Variants in PDX1 observed in about 807,000 individuals in gnomAD.
The protein encoded by PDX1 is pancreas/duodenum homeobox protein 1.
PDX1 carries 7 observed loss-of-function variants against 11.1 expected under a neutral mutation model. That is an observed-to-expected ratio of 0.63 (90% CI 0.36 to 1.19). The LOEUF (loss-of-function observed/expected upper bound fraction) is 1.19. PDX1 is among the 50% of genes most tolerant of loss of function. PDX1 has a pLI of 0.02. For synonymous variants in PDX1, 232 were observed against 196.2 expected (o/e 1.18, Z -1.53); for missense variants, 449 against 412.1 (o/e 1.09, Z -0.78).
In PDX1 at chr13:27,920,107, C is replaced by T; in HGVS notation, c.-32C>T. On this transcript the variant is annotated 5_prime_UTR_variant, in exon 1 of 2. Coordinates refer to ENST00000381033, the MANE Select transcript of PDX1 (RefSeq NM_000209.4). The stretch of plus-strand genomic sequence containing the variant: ...CTCCCGACTCCCGGCTCCCGGCTCC[C>T]GGCTCCCGGTGCCCAATCCCGGGCC... 6.5e-7 allele frequency: 1 copy of T among 1,548,916 alleles called. No individual in the cohort carries two copies. The highest frequency in any genetic ancestry group is 8.7e-7 in the Non-Finnish European group (1 of 1,146,446).
intron 1 of PDX1, among the ~76,000 whole-genome samples, chr13:27,921,241 A>C (rs1440449467): frequency 6.6e-6 from 1 of 152,220 alleles, no homozygotes; most frequent in Non-Finnish European, 1.5e-5. Flanking sequence ...TTCGTTTTTC[A>C]CCAACCGAAA....
Position 27,924,258 on chromosome 13 carries a change from G to A in PDX1, c.409G>A (p.Gly137Ser), listed in dbSNP as rs781025559. The A allele has an allele frequency of 1.1e-5, 18 of 1,596,810 alleles. No homozygotes were observed. In the African/African-American group the frequency reaches 1.2e-4, roughly 11 times the overall value. ...AHAWKGQWAG[G>S]AYAAEPEENK... ...CTCACGCCCTGTGTCGCCCGCAGGC[G>A]GCGCCTACGCTGCGGAGCCGGAGGA... The change falls in exon 2 of 2, where the codon GGC (glycine) becomes AGC (serine). Residue 137 changes from glycine to serine, a missense_variant and splice_region_variant. Physicochemically the swap from Gly to Ser is moderately conservative, Grantham distance 56. Around this residue, in one of 3 missense-constraint regions of PDX1, gnomAD observed 263 missense variants for 212.5 expected, o/e 1.24. Coordinates refer to ENST00000381033, the MANE Select transcript of PDX1 (RefSeq NM_000209.4). The surrounding 1 kb of genome is among the most constrained non-coding windows in gnomAD (Gnocchi z 4.8).
intron 1 of PDX1, among the ~76,000 whole-genome samples, chr13:27,922,714 G>C (rs1957796674): frequency 6.6e-6 from 1 of 152,154 alleles, no homozygotes; most frequent in African/African-American, 2.4e-5. Flanking sequence ...TGCACCCCAG[G>C]AAGTCTCTCC....
rs1234749777 is a variant in PDX1 at position 27,920,346 on chromosome 13, G to A, written c.208G>A (p.Val70Met). The change falls in exon 1 of 2, where the codon GTG becomes ATG. Residue 70 changes from valine to methionine, a missense_variant. By Grantham distance (21) the Val-to-Met change is conservative. Around this residue, in one of 3 missense-constraint regions of PDX1, gnomAD observed 263 missense variants for 212.5 expected, o/e 1.24. Transcript: ENST00000381033. ...GSPPDISPYE[V>M]PPLADDPAVA... ...CCCCCCGGACATCTCCCCGTACGAG[G>A]TGCCCCCCCTCGCCGACGACCCCGC... 15 of 1,541,638 alleles carry A rather than the reference G, an allele frequency of 9.7e-6. No homozygotes were observed. The highest frequency in any genetic ancestry group is 1.3e-5 in the Non-Finnish European group (15 of 1,141,444).
At position 27,920,257 on chromosome 13, in the gene PDX1, G is replaced by A. The variant is rs1055206497; in HGVS notation, c.119G>A (p.Arg40His). The change falls in exon 1 of 2, where the codon CGC becomes CAC. Residue 40 changes from arginine to histidine, a missense_variant. By Grantham distance (29) the Arg-to-His change is conservative (BLOSUM62 0). Coordinates refer to ENST00000381033, the MANE Select transcript of PDX1 (RefSeq NM_000209.4). ...CCCCCTGCGTGCCTGTACATGGGCC[G>A]CCAGCCCCCGCCGCCGCCGCCGCAC... is the stretch of plus-strand genomic sequence containing the variant. The part of the protein sequence containing the change: ...ASPPACLYMG[R>H]QPPPPPPHPF... 3.2e-6 allele frequency: 5 copies of A among 1,542,324 alleles called. No homozygotes were observed. The highest frequency in any genetic ancestry group is 5.0e-5 in the East Asian group (2 of 40,226).
At position 27,924,935 on chromosome 13, in the gene PDX1, T is replaced by C. The variant is rs1957814650; in HGVS notation, c.*234T>C. On this transcript the variant is annotated 3_prime_UTR_variant, in exon 2 of 2. Coordinates refer to ENST00000381033, the MANE Select transcript of PDX1 (RefSeq NM_000209.4). This position sits in a 1 kb window ranked among gnomAD's most constrained non-coding sequence, Gnocchi z 4.8. ...GAAGAAAAAGAGCCATTGGTTTTTG[T>C]AGTATTGGGGCCCTCTTTTAGTGAT... The C allele has an allele frequency of 2.3e-6, 1 of 439,574 alleles. No individual in the cohort carries two copies. The highest frequency in any genetic ancestry group is 5.9e-5 in the South Asian group (1 of 16,970). 27.2% of individuals were successfully genotyped at this position (439,574 alleles called of 1,614,324 possible).
At position 27,924,836 on chromosome 13, in the gene PDX1, C is replaced by A; in HGVS notation, c.*135C>A. The A allele has an allele frequency of 1.4e-6, 1 of 728,608 alleles. No homozygotes were observed. The highest frequency in any genetic ancestry group is 1.9e-6 in the Non-Finnish European group (1 of 518,296). 45.1% of individuals were successfully genotyped at this position (728,608 alleles called of 1,614,324 possible). ...GGCAATTGCGGGGCCCACCTTAGAC[C>A]GAAGGGGAAAACCCGCTCTCTCAGG... On this transcript the variant is annotated 3_prime_UTR_variant, in exon 2 of 2. Transcript: ENST00000381033. The surrounding 1 kb of genome is among the most constrained non-coding windows in gnomAD (Gnocchi z 4.8).
In PDX1 at chr13:27,924,301, C is replaced by A. The variant is rs565726855; in HGVS notation, c.452C>A (p.Thr151Lys). 5.6e-6 allele frequency: 9 copies of A among 1,610,418 alleles called. No individual in the cohort carries two copies. Among genetic ancestry groups the A allele is most frequent in the Non-Finnish European group, 7.6e-6 (9 of 1,178,722 alleles). Residue 151 changes from threonine to lysine, a missense_variant, in exon 2 of 2, where the codon ACG becomes AAG. Around this residue, in one of 3 missense-constraint regions of PDX1, gnomAD observed 47 missense variants for 78.2 expected, o/e 0.60. Transcript: ENST00000381033. The surrounding 1 kb of genome is among the most constrained non-coding windows in gnomAD (Gnocchi z 4.8). ...CCGGAGGAGAACAAGCGGACGCGCA[C>A]GGCCTACACGCGCGCACAGCTGCTA... ...AEPEENKRTR[T>K]AYTRAQLLEL...
In PDX1 at chr13:27,924,022, C is replaced by T. The variant is rs1330076593; in HGVS notation, c.407-234C>T. Among the ~76,000 whole-genome samples, 3 of 152,242 alleles carry T rather than the reference C, an allele frequency of 2.0e-5. No homozygotes were observed. The highest frequency in any genetic ancestry group is 2.9e-5 in the Non-Finnish European group (2 of 68,048). On this transcript the variant is annotated intron_variant, in intron 1 of 1. Coordinates refer to ENST00000381033, the MANE Select transcript of PDX1 (RefSeq NM_000209.4). This position sits in a 1 kb window ranked among gnomAD's most constrained non-coding sequence, Gnocchi z 4.8. ...AGCTTAGGCTCACGGCGAGAGCTGA[C>T]TCGAGTTTGGTCTCCAATAAAAAGG...
At chr13:27,921,362 G>T (rs1957785538) in intron 1 of PDX1, among the ~76,000 whole-genome samples, 1 of 152,230 alleles carries the variant, frequency 6.6e-6, no homozygotes, top group Admixed American at 6.5e-5. Flanking sequence ...GCGGCCCTCC[G>T]CGCCGGCAGA....
In PDX1 at chr13:27,924,810, C is replaced by A; in HGVS notation, c.*109C>A. 1.1e-6 allele frequency: 1 copy of A among 895,832 alleles called. No individual in the cohort carries two copies. Among genetic ancestry groups the A allele is most frequent in the Non-Finnish European group, 1.5e-6 (1 of 664,112 alleles). 55.5% of individuals were successfully genotyped at this position (895,832 alleles called of 1,614,324 possible). The stretch of plus-strand genomic sequence containing the variant: ...CACCCGCCCTGGCAGTTGAATGGGG[C>A]GGCAATTGCGGGGCCCACCTTAGAC... On this transcript the variant is annotated 3_prime_UTR_variant, in exon 2 of 2. Transcript: ENST00000381033. The surrounding 1 kb of genome is among the most constrained non-coding windows in gnomAD (Gnocchi z 4.8).
At position 27,924,769 on chromosome 13, in the gene PDX1, G is replaced by T. The variant is rs374397203; in HGVS notation, c.*68G>T. 1.2e-5 allele frequency: 16 copies of T among 1,287,748 alleles called. No homozygotes were observed. Among genetic ancestry groups the T allele is most frequent in the African/African-American group, 1.6e-5 (1 of 64,418 alleles). 79.8% of individuals were successfully genotyped at this position (1,287,748 alleles called of 1,614,324 possible). On this transcript the variant is annotated 3_prime_UTR_variant, in exon 2 of 2. Coordinates refer to ENST00000381033, the MANE Select transcript of PDX1 (RefSeq NM_000209.4). The surrounding 1 kb of genome is among the most constrained non-coding windows in gnomAD (Gnocchi z 4.8). Reference sequence around the variant, plus strand: ...CGAGGAGGAGCAGAGGGCCTAGGAGGACCCCGGGCGTGGACCACCCGCCCT... The same window carrying T: ...CGAGGAGGAGCAGAGGGCCTAGGAGTACCCCGGGCGTGGACCACCCGCCCT...
rs535963800 is a variant in PDX1, at chr13:27,923,185, C to T, written c.407-1071C>T. Among the ~76,000 whole-genome samples the T allele has an allele frequency of 2.1e-4, 32 of 152,358 alleles. 1 individual carries two copies. The East Asian group carries it at 5.8e-3, about 28-fold the overall frequency. On this transcript the variant is annotated intron_variant, in intron 1 of 1. Coordinates refer to ENST00000381033, the MANE Select transcript of PDX1 (RefSeq NM_000209.4). ...CAGCCTGGGTGCAGTCAGTATTTTC[C>T]ACAGAAAAGAAAAGATTGGGACCTG... is the stretch of plus-strand genomic sequence containing the variant.
At position 27,920,530 on chromosome 13, in the gene PDX1, A is replaced by G; in HGVS notation, c.392A>G (p.Lys131Arg). Residue 131 changes from lysine (K) to arginine (R), a missense_variant, in exon 1 of 2, where the codon AAA (lysine) becomes AGA (arginine). By Grantham distance (26) the Lys-to-Arg change is conservative (BLOSUM62 2). This residue lies in a region of PDX1 where 263 missense variants were observed against 212.5 expected (regional missense o/e 1.24). Transcript: ENST00000381033. Reference protein sequence around the residue: ...WMKSTKAHAWKGQWAGGAYAA... With the variant: ...WMKSTKAHAWRGQWAGGAYAA... ...AAGTCTACCAAAGCTCACGCGTGGA[A>G]AGGCCAGTGGGCAGGTAAGCCTGGC... 6.2e-7 allele frequency: 1 copy of G among 1,613,038 alleles called. No homozygotes were observed. The highest frequency in any genetic ancestry group is 8.5e-7 in the Non-Finnish European group (1 of 1,180,012).
rs777512281 is a variant in PDX1 at position 27,924,581 on chromosome 13, C to G, written c.732C>G (p.Pro244=). The stretch of plus-strand genomic sequence containing the variant: ...TGGCGCTGCCGCCGCCGCCGCCCCC[C>G]GGAGGTGCTGTGCCGCCCGCTGCCC... ...ELLALPPPPP[P]GGAVPPAAPV... The change falls in exon 2 of 2, where the codon CCC becomes CCG. Residue 244 remains proline, a synonymous_variant. Transcript: ENST00000381033. This position sits in a 1 kb window ranked among gnomAD's most constrained non-coding sequence, Gnocchi z 4.8. The G allele has an allele frequency of 3.4e-4, 511 of 1,503,956 alleles. No homozygotes were observed. The highest frequency in any genetic ancestry group is 4.3e-4 in the Non-Finnish European group (490 of 1,131,190). The allele number at this position is 1,503,956 out of a possible 1,614,324, so 93.2% of individuals were successfully genotyped here.
In PDX1 at chr13:27,924,562, TGCC is replaced by T. The variant is rs193922357; in HGVS notation, c.726_728del (p.Pro244del). 2.0e-5 allele frequency: 31 copies of T among 1,533,504 alleles called. No individual in the cohort carries two copies. The highest frequency in any genetic ancestry group is 2.8e-5 in the African/African-American group (2 of 70,710). The allele number at this position is 1,533,504 out of a possible 1,614,324, so 95.0% of individuals were successfully genotyped here. A position where few individuals can be genotyped will look rare whatever the true frequency, so the allele number is the denominator to read the frequency against. ...ACCTCCGGCGAGGAGCTTCTGGCGC[TGCC>T]GCCGCCGCCGCCCCCCGGAGGTGCT... On this transcript the variant is annotated inframe_deletion, in exon 2 of 2. Coordinates refer to ENST00000381033, the MANE Select transcript of PDX1 (RefSeq NM_000209.4). This position sits in a 1 kb window ranked among gnomAD's most constrained non-coding sequence, Gnocchi z 4.8.
Position 27,920,512 on chromosome 13 carries a change from C to T in PDX1, c.374C>T (p.Thr125Ile). ...CTGCCTTTCCCATGGATGAAGTCTA[C>T]CAAAGCTCACGCGTGGAAAGGCCAG... is the stretch of plus-strand genomic sequence containing the variant. ...VQLPFPWMKS[T>I]KAHAWKGQWA... The change falls in exon 1 of 2, where the codon ACC (threonine) becomes ATC (isoleucine). Residue 125 changes from threonine to isoleucine, a missense_variant. This residue lies in a region of PDX1 where 263 missense variants were observed against 212.5 expected (regional missense o/e 1.24). Coordinates refer to ENST00000381033, the MANE Select transcript of PDX1 (RefSeq NM_000209.4). 3 of 1,612,978 alleles carry T rather than the reference C, an allele frequency of 1.9e-6. No individual in the cohort carries two copies. The highest frequency in any genetic ancestry group is 2.5e-6 in the Non-Finnish European group (3 of 1,180,000).
At chr13:27,920,684 G>C in intron 1 of PDX1, 140 bp downstream of exon 1, 1 of 851,354 alleles carries the variant, frequency 1.2e-6, no homozygotes. Flanking sequence ...GGGAGCTACC[G>C]AGCCCATCCC....
In PDX1 at chr13:27,924,155, T is replaced by G; in HGVS notation, c.407-101T>G. On this transcript the variant is annotated intron_variant, in intron 1 of 1. Transcript: ENST00000381033. The surrounding 1 kb of genome is among the most constrained non-coding windows in gnomAD (Gnocchi z 4.8). ...TGGTGGCTCCGGCGGGAGCAGCTGG[T>G]AGGGCTAGGGCTCCCTGGCCCCCCT... The G allele has an allele frequency of 2.0e-6, 2 of 1,016,116 alleles. No homozygotes were observed. The highest frequency in any genetic ancestry group is 1.9e-5 in the South Asian group (1 of 53,640). The allele number at this position is 1,016,116 out of a possible 1,614,324, so 62.9% of individuals were successfully genotyped here.
Sources: allele counts gnomAD v4.1 joint callset (sites outside exome capture counted in the v4.1 genomes callset), GRCh38; gene constraint gnomAD v4.1.1; regional missense constraint gnomAD v4.1.1; non-coding constraint Gnocchi (gnomAD v3.1); transcripts MANE v1.5; gene names NCBI Gene and HGNC (gene_info 2026-07-23, HGNC 2026-07-21).